The following TCF12 variants were observed in gnomAD, a reference collection of about 807,000 sequenced individuals.
TCF12 encodes the protein DNA-binding protein HTF4.
TCF12 carries 45 observed loss-of-function variants against 86.0 expected under a neutral mutation model. The observed-to-expected ratio is 0.52, with a 90% CI of 0.41 to 0.67. TCF12 has a LOEUF of 0.67. Ranked by LOEUF, TCF12 falls within the 30% of genes least tolerant of loss-of-function variation. The pLI is 0.00. For missense variants in TCF12, 881 were observed against 859.9 expected, an observed-to-expected ratio of 1.02 and a Z score of -0.31; for synonymous variants, 330 against 299.6, an observed-to-expected ratio of 1.10 and a Z score of -1.05.
intron 3 of TCF12, among the ~76,000 whole-genome samples, chr15:56,954,525 A>G (rs932408216): frequency 6.6e-6 from 1 of 152,212 alleles, no homozygotes; most frequent in Non-Finnish European, 1.5e-5. Context: ...GGACTTCATG[A>G]CTAAAACACC....
intron 4 of TCF12, among the ~76,000 whole-genome samples, chr15:57,086,705 TAAAAAAA>T (rs34069853): frequency 9.5e-6 from 1 of 105,616 alleles, no homozygotes; most frequent in African/African-American, 3.5e-5. Context: ...TCCCTCCCTT[TAAAAAAA>T]AAAAAAAAAA....
At chr15:57,128,959 A>G (rs910108855) in intron 5 of TCF12, among the ~76,000 whole-genome samples, 10 of 152,056 alleles carry the variant, frequency 6.6e-5, no homozygotes, top group Admixed American at 2.6e-4. Flanking sequence ...GAGTACTTCT[A>G]CTCTTTGGCT....
chr15:57,046,413 A>C (rs533265213), intron 3 of TCF12, among the ~76,000 whole-genome samples: 19 of 152,160 alleles, frequency 1.2e-4, no homozygotes, highest in African/African-American at 4.3e-4. Flanking sequence ...CATCAGTTAG[A>C]TTCATTTTTT....
Position 57,251,555 on chromosome 15 carries a change from A to G in TCF12, c.1188+132A>G, listed in dbSNP as rs1227350995. The stretch of plus-strand genomic sequence containing the variant: ...TTCTTTGCTAACAAATGGCTGATTC[A>G]TTTGAACAATATAAGACACATTGGG... On this transcript the variant is annotated intron_variant, in intron 14 of 20. Transcript: ENST00000333725. 5 of 858,786 alleles carry G rather than the reference A, an allele frequency of 5.8e-6. No individual in the cohort carries two copies. The African/African-American group carries it at 8.5e-5, about 15-fold the overall frequency. The allele number at this position is 858,786 out of a possible 1,614,324, so 53.2% of individuals were successfully genotyped here.
At chr15:57,121,818 C>T (rs560054228) in intron 5 of TCF12, among the ~76,000 whole-genome samples, 28 of 152,256 alleles carry the variant, frequency 1.8e-4, no homozygotes, top group African/African-American at 6.5e-4. Context: ...CAGTGTTCTT[C>T]TTTAAAAAGG....
rs113130635 is a variant in TCF12 at position 57,274,078 on chromosome 15, C to A, written c.1978+816C>A. Among the ~76,000 whole-genome samples the A allele has an allele frequency of 1.2e-4, 18 of 152,274 alleles. 1 individual carries two copies. Among genetic ancestry groups the A allele is most frequent in the African/African-American group, 4.3e-4 (18 of 41,554 alleles). On this transcript the variant is annotated intron_variant, in intron 19 of 20. Coordinates refer to ENST00000333725, the MANE Select transcript of TCF12 (RefSeq NM_207037.2). ...ATATATTGTCTTAAAATATCCTAAG[C>A]CTTTTTGCAAGGAATTCATAGATGT...
chr15:57,178,446 G>A (rs1483303136), intron 6 of TCF12, among the ~76,000 whole-genome samples: 1 of 152,084 alleles, frequency 6.6e-6, no homozygotes, highest in Admixed American at 6.5e-5. Context: ...TGAGAAGAGA[G>A]GATACTTAGT....
intron 15 of TCF12, 74 bp downstream of exon 15, chr15:57,252,566 T>C: frequency 7.8e-7 from 1 of 1,285,222 alleles, no homozygotes; most frequent in South Asian, 1.3e-5. Context: ...TTAAAATCTT[T>C]AAGCTGTACA....
chr15:57,072,566 A>G, intron 4 of TCF12: 1 of 818,182 alleles, frequency 1.2e-6, no homozygotes, highest in East Asian at 7.1e-5. Flanking sequence ...AAAAAGGTAT[A>G]CATTTTATAG....
intron 3 of TCF12, among the ~76,000 whole-genome samples, chr15:57,019,932 G>A (rs959508170): frequency 2.0e-5 from 3 of 152,078 alleles, no homozygotes; most frequent in Non-Finnish European, 4.4e-5. Flanking sequence ...GGGGGGGACT[G>A]TTATCATCCT....
chr15:56,994,740 A>G (rs1487403620), intron 3 of TCF12, among the ~76,000 whole-genome samples: 1 of 152,136 alleles, frequency 6.6e-6, no homozygotes, highest in Non-Finnish European at 1.5e-5. Context: ...TGAAGGTGAC[A>G]TAAGGGCATT....
intron 6 of TCF12, among the ~76,000 whole-genome samples, chr15:57,170,723 TATATATTATATATA>T (rs2055360343): frequency 5.9e-4 from 1 of 1,696 alleles, no homozygotes; most frequent in Non-Finnish European, 1.3e-3. Context: ...ATATATATAT[TATATATTATATATA>T]ATATATATTA....
At chr15:57,163,825 ATCT>A (rs1239779961) in intron 5 of TCF12, among the ~76,000 whole-genome samples, 1 of 152,246 alleles carries the variant, frequency 6.6e-6, no homozygotes, top group Non-Finnish European at 1.5e-5. Context: ...TGGATCAGAA[ATCT>A]TCTTGGAACA....
chr15:57,288,022 GA>G lies in TCF12; in HGVS notation c.*1884del, dbSNP rs2061989017. 2.0e-5 allele frequency: 3 copies of G among 152,190 alleles called. No homozygotes were observed. The South Asian group carries it at 6.2e-4, about 32-fold the overall frequency. The allele number at this position is 152,190 out of a possible 1,614,324, so 9.4% of individuals were successfully genotyped here. On this transcript the variant is annotated 3_prime_UTR_variant, in exon 21 of 21. Coordinates refer to ENST00000333725, the MANE Select transcript of TCF12 (RefSeq NM_207037.2). ...GAAGCTTTCCTTCATAAAATAGAAA[GA>G]AAAAAACATTTGGCTTATTTTTCAC...
chr15:56,943,474 T>G (rs1416708957), intron 3 of TCF12, among the ~76,000 whole-genome samples: 1 of 152,240 alleles, frequency 6.6e-6, no homozygotes, highest in Non-Finnish European at 1.5e-5. Context: ...TAGTTCCTTA[T>G]GTATAGGCCC....
At chr15:57,211,833 A>C (rs886468294) in intron 8 of TCF12, among the ~76,000 whole-genome samples, 1 of 152,174 alleles carries the variant, frequency 6.6e-6, no homozygotes, top group African/African-American at 2.4e-5. Flanking sequence ...ACACGCCTGT[A>C]ATCCCAGCTA....
intron 3 of TCF12, among the ~76,000 whole-genome samples, chr15:56,988,624 TCA>T (rs1567211403): frequency 6.6e-6 from 1 of 152,134 alleles, no homozygotes; most frequent in Non-Finnish European, 1.5e-5. Context: ...AGGATTTTGG[TCA>T]CAGTTTTTGC....
At chr15:57,089,046 G>T (rs191911864) in intron 4 of TCF12, among the ~76,000 whole-genome samples, 53 of 152,342 alleles carry the variant, frequency 3.5e-4, no homozygotes, top group Non-Finnish European at 1.3e-4. Flanking sequence ...GCTACCCCCA[G>T]TCCTTGAAGT....
At chr15:57,251,888 T>C (rs1181497891) in intron 14 of TCF12, among the ~76,000 whole-genome samples, 1 of 152,232 alleles carries the variant, frequency 6.6e-6, no homozygotes, top group African/African-American at 2.4e-5. Context: ...AAAGTATTAT[T>C]TCCCATGTTT....
Sources: gnomAD v4.1 joint callset for allele counts (sites outside exome capture counted in the v4.1 genomes callset) on GRCh38, gnomAD v4.1.1 for gene constraint, MANE v1.5 for transcripts, NCBI Gene and HGNC (gene_info 2026-07-23, HGNC 2026-07-21) for gene names.